The following NTM variants were observed in gnomAD, a reference collection of about 807,000 sequenced individuals.
NTM encodes the protein IgLON family member 2.
NTM carries 13 observed loss-of-function variants against 42.1 expected under a neutral mutation model. The observed-to-expected ratio is 0.31, with a 90% confidence interval of 0.20 to 0.49. The LOEUF (loss-of-function observed/expected upper bound fraction) is 0.49, where lower values mean the gene tolerates loss of function less well. Among genes scored for constraint, NTM ranks in the 20% least tolerant of loss-of-function variants. The pLI is 0.99. For missense variants in NTM, 373 were observed against 452.8 expected (o/e 0.82, Z 1.60); for synonymous variants, 187 against 179.2 (o/e 1.04, Z -0.35).
At chr11:131,861,187 A>G (rs2046594539) in intron 1 of NTM, among the ~76,000 whole-genome samples, 1 of 152,212 alleles carries the variant, frequency 6.6e-6, no homozygotes, top group South Asian at 2.1e-4. Context: ...TGTGAGCTCT[A>G]TTATGAAGAG....
chr11:132,311,916 C>T (rs934312712), intron 6 of NTM, among the ~76,000 whole-genome samples: 1 of 152,144 alleles, frequency 6.6e-6, no homozygotes, highest in African/African-American at 2.4e-5. Flanking sequence ...GAGGAGAGAG[C>T]AGGCTGGCAG....
At chr11:132,041,732 C>T (rs927391225) in intron 2 of NTM, among the ~76,000 whole-genome samples, 3 of 152,126 alleles carry the variant, frequency 2.0e-5, no homozygotes, top group Non-Finnish European at 2.9e-5. Context: ...CTGGGCAGTC[C>T]TGAATGATAG....
intron 2 of NTM, among the ~76,000 whole-genome samples, chr11:132,090,344 G>T (rs1262610709): frequency 6.6e-6 from 1 of 152,170 alleles, no homozygotes; most frequent in South Asian, 2.1e-4. Context: ...AAAAAGCTGG[G>T]ACACAGAGAA....
At chr11:132,056,959 G>T (rs999347258) in intron 2 of NTM, among the ~76,000 whole-genome samples, 2 of 152,260 alleles carry the variant, frequency 1.3e-5, no homozygotes, top group East Asian at 1.9e-4. Context: ...CAGGGGCGCC[G>T]CCTGCTTTGT....
At chr11:131,830,583 T>A (rs1364413761) in intron 1 of NTM, among the ~76,000 whole-genome samples, 2 of 152,184 alleles carry the variant, frequency 1.3e-5, no homozygotes, top group Non-Finnish European at 2.9e-5. Context: ...TGTAGTATGG[T>A]TTGAAGTCAG....
chr11:131,878,636 T>C (rs1480985429), intron 1 of NTM, among the ~76,000 whole-genome samples: 15 of 118,932 alleles, frequency 1.3e-4, no homozygotes, highest in Middle Eastern at 4.9e-3. Flanking sequence ...TATATATATA[T>C]ATATAATGTC....
intron 2 of NTM, among the ~76,000 whole-genome samples, chr11:132,033,925 G>A (rs1289463020): frequency 1.3e-5 from 2 of 152,146 alleles, no homozygotes; most frequent in Non-Finnish European, 2.9e-5. Flanking sequence ...TGACAAACTG[G>A]TCATTACAAC....
At chr11:131,451,511 C>A (rs1950489004) in intron 1 of NTM, among the ~76,000 whole-genome samples, 1 of 152,024 alleles carries the variant, frequency 6.6e-6, no homozygotes, top group Admixed American at 6.6e-5. Flanking sequence ...GGAAGGGGGT[C>A]CCATGCAGGA....
At chr11:132,112,314 T>G (rs2063317861) in intron 2 of NTM, among the ~76,000 whole-genome samples, 1 of 152,216 alleles carries the variant, frequency 6.6e-6, no homozygotes. Flanking sequence ...CCTAGTTCTC[T>G]TCTTGCACAC....
intron 1 of NTM, among the ~76,000 whole-genome samples, chr11:131,659,346 C>T (rs983903064): frequency 3.9e-5 from 6 of 152,138 alleles, no homozygotes; most frequent in African/African-American, 9.7e-5. Flanking sequence ...CAGGGTGCTT[C>T]GGGGTCCTCC....
chr11:131,432,402 CAG>C (rs1948725163), intron 1 of NTM, among the ~76,000 whole-genome samples: 1 of 152,132 alleles, frequency 6.6e-6, no homozygotes, highest in African/African-American at 2.4e-5. Context: ...GAGAAACTGA[CAG>C]AGGATCTTCT....
At chr11:131,534,416 ATTAAG>A (rs2051812346) in intron 1 of NTM, 1 of 152,298 alleles carries the variant, frequency 6.6e-6, no homozygotes, top group African/African-American at 2.4e-5. Flanking sequence ...ACACTTTAGA[ATTAAG>A]TTTTAGTTAT....
chr11:132,219,817 C>T (rs1295333090), intron 4 of NTM, among the ~76,000 whole-genome samples: 2 of 152,180 alleles, frequency 1.3e-5, no homozygotes, highest in African/African-American at 2.4e-5. Flanking sequence ...AGCCAGCCCC[C>T]TCCTCTTCAC....
intron 1 of NTM, among the ~76,000 whole-genome samples, chr11:131,468,591 AAGAG>A (rs59612790): frequency 8.5e-5 from 13 of 152,148 alleles, no homozygotes; most frequent in South Asian, 2.1e-4. Context: ...ACAGTGAAAA[AAGAG>A]AGAAAATATC....
intron 1 of NTM, among the ~76,000 whole-genome samples, chr11:131,447,889 C>A (rs1439602099): frequency 6.6e-6 from 1 of 152,208 alleles, no homozygotes; most frequent in Non-Finnish European, 1.5e-5. Context: ...TGGGGCAGGT[C>A]TGGCCTAGTT....
intron 2 of NTM, among the ~76,000 whole-genome samples, chr11:132,143,282 G>C (rs2069587420): frequency 6.6e-6 from 1 of 152,216 alleles, no homozygotes; most frequent in Admixed American, 6.5e-5. Flanking sequence ...TGTCAGAAAT[G>C]CAGCCTCCCA....
At chr11:131,931,467 A>ATG (rs1565764324) in intron 2 of NTM, among the ~76,000 whole-genome samples, 1 of 67,944 alleles carries the variant, frequency 1.5e-5, no homozygotes, top group African/African-American at 4.4e-5. Context: ...AATAATATAT[A>ATG]CGTGTGTGTG....
chr11:132,195,401 C>T (rs1321599113), intron 3 of NTM, among the ~76,000 whole-genome samples: 3 of 151,182 alleles, frequency 2.0e-5, no homozygotes, highest in African/African-American at 4.9e-5. Flanking sequence ...AATGTAATTC[C>T]TATCAAACTA....
At chr11:132,313,046 A>C (rs1591936190) in intron 6 of NTM, among the ~76,000 whole-genome samples, 1 of 152,082 alleles carries the variant, frequency 6.6e-6, no homozygotes, top group Non-Finnish European at 1.5e-5. Flanking sequence ...TTGGGTGAGA[A>C]CTCCGGCCAG....
Sources: gnomAD v4.1 joint callset for allele counts (sites outside exome capture counted in the v4.1 genomes callset) on GRCh38, gnomAD v4.1.1 for gene constraint, MANE v1.5 for transcripts, NCBI Gene and HGNC (gene_info 2026-07-23, HGNC 2026-07-21) for gene names.